Variants in TAFA5 observed in about 807,000 individuals in gnomAD.
The protein encoded by TAFA5 is TAFA chemokine like family member 5.
TAFA5 carries 6 observed loss-of-function variants against 15.3 expected under a neutral mutation model. The ratio of observed to expected loss-of-function variants is 0.39; its 90% CI spans 0.21 to 0.77. TAFA5 has a LOEUF of 0.77. Among genes scored for constraint, TAFA5 ranks in the 30% least tolerant of loss-of-function variants. The pLI is 0.41. For synonymous variants in TAFA5, 103 were observed against 80.7 expected (o/e 1.28, Z -1.48); for missense variants, 161 against 193.1 (o/e 0.83, Z 0.98).
chr22:48,571,733 C>T (rs1923601183), intron 1 of TAFA5, among the ~76,000 whole-genome samples: 2 of 151,686 alleles, frequency 1.3e-5, no homozygotes, highest in Admixed American at 1.3e-4. Context: ...TTGACTATTT[C>T]CTCCTCTTTG....
At chr22:48,684,019 A>T (rs184760077) in intron 2 of TAFA5, among the ~76,000 whole-genome samples, 2 of 152,092 alleles carry the variant, frequency 1.3e-5, no homozygotes, top group Admixed American at 6.5e-5. Flanking sequence ...TTTTTTCTTT[A>T]TAAATTACCC....
intron 1 of TAFA5, among the ~76,000 whole-genome samples, chr22:48,616,897 G>A (rs922389712): frequency 5.9e-5 from 9 of 152,118 alleles, no homozygotes; most frequent in African/African-American, 2.2e-4. Flanking sequence ...GTCCGAGAGA[G>A]GCCTTCTATG....
chr22:48,577,477 C>G (rs1021379535), intron 1 of TAFA5, among the ~76,000 whole-genome samples: 4 of 152,208 alleles, frequency 2.6e-5, no homozygotes, highest in Non-Finnish European at 4.4e-5. Flanking sequence ...TACTAGTGCT[C>G]TGGCACACAG....
At chr22:48,681,253 C>G (rs1415170294) in intron 2 of TAFA5, among the ~76,000 whole-genome samples, 1 of 152,100 alleles carries the variant, frequency 6.6e-6, no homozygotes, top group Admixed American at 6.5e-5. Flanking sequence ...GAGTTTCCCC[C>G]CAATTAGGAG....
intron 2 of TAFA5, among the ~76,000 whole-genome samples, chr22:48,670,168 C>A (rs1601658734): frequency 5.3e-5 from 8 of 152,238 alleles, no homozygotes; most frequent in Admixed American, 5.2e-4. Flanking sequence ...TAGGGGCTGG[C>A]CCACACTGCC....
intron 1 of TAFA5, chr22:48,543,699 GC>G (rs1208817139): frequency 6.6e-6 from 1 of 152,554 alleles, no homozygotes; most frequent in Non-Finnish European, 1.5e-5. Context: ...CTCGGGCAGA[GC>G]CCACTGACTC....
At chr22:48,659,176 A>G (rs1289824149) in intron 2 of TAFA5, among the ~76,000 whole-genome samples, 1 of 152,172 alleles carries the variant, frequency 6.6e-6, no homozygotes, top group African/African-American at 2.4e-5. Context: ...ACCCTGCCTC[A>G]CTCTGGGCCC....
rs75678230 is a variant in TAFA5 at position 48,673,204 on chromosome 22, G to A, written c.262+26458G>A. Among the ~76,000 whole-genome samples the A allele has an allele frequency of 6.2e-3, 943 of 152,322 alleles. 8 individuals are homozygous for A. Among genetic ancestry groups the A allele is most frequent in the African/African-American group, 0.022 (901 of 41,574 alleles). On this transcript the variant is annotated intron_variant, in intron 2 of 3. Coordinates refer to ENST00000402357, the MANE Select transcript of TAFA5 (RefSeq NM_001082967.3). The stretch of plus-strand genomic sequence containing the variant: ...CTCCAGCAACCCCACTTTGAACTTT[G>A]GGGGAACTCTTGCTTTCTGAAGCAG...
intron 1 of TAFA5, among the ~76,000 whole-genome samples, chr22:48,595,163 G>C (rs1282015787): frequency 6.6e-6 from 1 of 152,172 alleles, no homozygotes; most frequent in East Asian, 1.9e-4. Context: ...CAGCCTGCAT[G>C]CCCCAATTGG....
At chr22:48,548,120 C>T (rs900799913) in intron 1 of TAFA5, among the ~76,000 whole-genome samples, 2 of 152,130 alleles carry the variant, frequency 1.3e-5, no homozygotes, top group Admixed American at 6.5e-5. Flanking sequence ...CAGCTTCAGG[C>T]GCAGGAGGCC....
At chr22:48,498,827 A>G (rs1920938414) in intron 1 of TAFA5, among the ~76,000 whole-genome samples, 1 of 152,112 alleles carries the variant, frequency 6.6e-6, no homozygotes, top group Non-Finnish European at 1.5e-5. Context: ...GCTCTAGCGC[A>G]CCTATACCTT....
chr22:48,721,530 G>T (rs1449738931), intron 3 of TAFA5, among the ~76,000 whole-genome samples: 1 of 152,072 alleles, frequency 6.6e-6, no homozygotes, highest in Non-Finnish European at 1.5e-5. Context: ...CCTATTGGTT[G>T]GCAGAAGGTG....
intron 2 of TAFA5, among the ~76,000 whole-genome samples, chr22:48,661,405 G>T (rs1236441021): frequency 6.6e-6 from 1 of 152,214 alleles, no homozygotes. Context: ...CGCAGAACTC[G>T]CCCCGATGAG....
At chr22:48,536,347 G>T (rs1922163176) in intron 1 of TAFA5, among the ~76,000 whole-genome samples, 1 of 152,240 alleles carries the variant, frequency 6.6e-6, no homozygotes. Context: ...ACAAGTGGAT[G>T]TCCTTTGTCC....
intron 1 of TAFA5, among the ~76,000 whole-genome samples, chr22:48,603,294 G>A (rs949900406): frequency 6.6e-6 from 1 of 152,252 alleles, no homozygotes; most frequent in Non-Finnish European, 1.5e-5. Flanking sequence ...ACATGGCGTT[G>A]CTGGGCCCAC....
intron 2 of TAFA5, among the ~76,000 whole-genome samples, chr22:48,679,318 ATCCCTCTCCCG>A (rs2147228819): frequency 2.9e-5 from 1 of 34,918 alleles, no homozygotes; most frequent in East Asian, 1.1e-3. Context: ...CTCCCCGTCC[ATCCCTCTCCCG>A]GCTCCCCGTC....
chr22:48,719,963 G>A (rs756503655), intron 3 of TAFA5, among the ~76,000 whole-genome samples: 1 of 152,120 alleles, frequency 6.6e-6, no homozygotes, highest in Non-Finnish European at 1.5e-5. Context: ...CTGCACTTTG[G>A]GCCACTTTTG....
At chr22:48,573,859 T>G (rs568704112) in intron 1 of TAFA5, among the ~76,000 whole-genome samples, 97 of 152,316 alleles carry the variant, frequency 6.4e-4, no homozygotes, top group African/African-American at 2.3e-3. Flanking sequence ...TGCACCTGAT[T>G]GGGGACACAG....
At chr22:48,674,534 G>C (rs1389321354) in intron 2 of TAFA5, among the ~76,000 whole-genome samples, 2 of 152,128 alleles carry the variant, frequency 1.3e-5, no homozygotes, top group African/African-American at 4.8e-5. Flanking sequence ...TGATTGAATC[G>C]CGTCATTTGC....
Sources: allele counts gnomAD v4.1 joint callset (sites outside exome capture counted in the v4.1 genomes callset), GRCh38; gene constraint gnomAD v4.1.1; transcripts MANE v1.5; gene names NCBI Gene and HGNC (gene_info 2026-07-23, HGNC 2026-07-21).